The following RSPO2 variants were observed in gnomAD, a reference collection of about 807,000 sequenced individuals.
RSPO2 encodes the protein R-spondin 2, also known as R-spondin-2.
RSPO2 carries 14 observed loss-of-function variants against 30.9 expected under a neutral mutation model. That is an observed-to-expected ratio of 0.45 (90% CI 0.30 to 0.71). RSPO2 has a LOEUF of 0.71. Among genes scored for constraint, RSPO2 ranks in the 30% least tolerant of loss-of-function variants. The pLI, the probability that RSPO2 is intolerant of heterozygous loss-of-function variation, is 0.08. For missense variants in RSPO2, 264 were observed against 301.9 expected (o/e 0.87, Z 0.93); for synonymous variants, 107 against 96.4 (o/e 1.11, Z -0.64).
chr8:108,048,583 C>T (rs1055578391), intron 2 of RSPO2, among the ~76,000 whole-genome samples: 3 of 151,858 alleles, frequency 2.0e-5, no homozygotes, highest in African/African-American at 2.4e-5. Context: ...GTCTTGTTAG[C>T]GGTCTATCAA....
At chr8:108,065,693 C>T (rs1453536930) in intron 2 of RSPO2, among the ~76,000 whole-genome samples, 1 of 151,790 alleles carries the variant, frequency 6.6e-6, no homozygotes, top group Non-Finnish European at 1.5e-5. Flanking sequence ...CTGTCCCCTG[C>T]CCACAGAAGA....
At chr8:107,968,889 CAAAGGGCATTACCCAAT>C (rs1813905914) in intron 3 of RSPO2, among the ~76,000 whole-genome samples, 1 of 152,072 alleles carries the variant, frequency 6.6e-6, no homozygotes, top group Non-Finnish European at 1.5e-5. Context: ...ATGCACTACT[CAAAGGGCATTACCCAAT>C]AAAGGGCATT....
intron 1 of RSPO2, 66 bp from the exon 2 acceptor site, chr8:108,082,873 C>T (rs1813254520): frequency 8.0e-6 from 4 of 497,870 alleles, no homozygotes; most frequent in Non-Finnish European, 1.4e-5. Flanking sequence ...GGCAGCTGCG[C>T]CTTCGCACGT....
chr8:108,010,430 C>T (rs1038744207), intron 2 of RSPO2, among the ~76,000 whole-genome samples: 1 of 152,140 alleles, frequency 6.6e-6, no homozygotes, highest in East Asian at 1.9e-4. Context: ...GTGAGCAGGA[C>T]GCGAGACATG....
At chr8:107,974,253 G>A (rs781067664) in intron 3 of RSPO2, among the ~76,000 whole-genome samples, 15 of 151,260 alleles carry the variant, frequency 9.9e-5, no homozygotes, top group African/African-American at 3.2e-4. Flanking sequence ...TTGGGAGGCC[G>A]AGGCAGGAGG....
intron 5 of RSPO2, among the ~76,000 whole-genome samples, chr8:107,918,508 T>C (rs1046723761): frequency 1.3e-5 from 2 of 152,134 alleles, no homozygotes; most frequent in African/African-American, 4.8e-5. Flanking sequence ...ACAGTCCCTG[T>C]ACAAGGTTCC....
chr8:107,905,225 G>C (rs1016728366), intron 5 of RSPO2, among the ~76,000 whole-genome samples: 1 of 151,974 alleles, frequency 6.6e-6, no homozygotes, highest in African/African-American at 2.4e-5. Flanking sequence ...AATGTTTCTT[G>C]TACATCCCTC....
chr8:107,935,554 AGGAT>A (rs1812696084), intron 5 of RSPO2, among the ~76,000 whole-genome samples: 1 of 152,106 alleles, frequency 6.6e-6, no homozygotes, highest in South Asian at 2.1e-4. Context: ...ACGAAGGCTC[AGGAT>A]GGATGCACCA....
At chr8:107,974,980 T>A (rs989652958) in intron 3 of RSPO2, among the ~76,000 whole-genome samples, 2 of 152,234 alleles carry the variant, frequency 1.3e-5, no homozygotes, top group African/African-American at 4.8e-5. Flanking sequence ...CTTATCTTCA[T>A]CTGAATTCAA....
chr8:108,039,559 T>C (rs569052478), intron 2 of RSPO2, among the ~76,000 whole-genome samples: 68 of 152,212 alleles, frequency 4.5e-4, no homozygotes, highest in African/African-American at 1.6e-3. Flanking sequence ...AATATATATA[T>C]GAATTTAAAA....
chr8:107,978,549 A>C (rs1259796746), intron 3 of RSPO2, among the ~76,000 whole-genome samples: 1 of 152,246 alleles, frequency 6.6e-6, no homozygotes, highest in Admixed American at 6.5e-5. Context: ...TTAAAGACTT[A>C]CATGTTAGAC....
chr8:108,056,722 A>C (rs1470137705), intron 2 of RSPO2, among the ~76,000 whole-genome samples: 1 of 151,698 alleles, frequency 6.6e-6, no homozygotes, highest in African/African-American at 2.4e-5. Context: ...ATTATAGTGT[A>C]TTAACTGGTA....
intron 2 of RSPO2, among the ~76,000 whole-genome samples, chr8:108,036,249 T>C (rs544088402): frequency 8.5e-5 from 13 of 152,204 alleles, no homozygotes; most frequent in Non-Finnish European, 1.9e-4. Context: ...TTATTTACCA[T>C]TCCAAAAATC....
intron 2 of RSPO2, among the ~76,000 whole-genome samples, chr8:108,061,323 T>C (rs1040496076): frequency 5.3e-5 from 8 of 151,182 alleles, no homozygotes; most frequent in Non-Finnish European, 1.2e-4. Flanking sequence ...GGGCTCAAAA[T>C]AAAGGGATGG....
At chr8:108,001,707 A>T (rs1223186873) in intron 2 of RSPO2, among the ~76,000 whole-genome samples, 3 of 152,194 alleles carry the variant, frequency 2.0e-5, no homozygotes, top group South Asian at 4.1e-4. Flanking sequence ...GAAGAATCAC[A>T]TCCTAAGTTC....
At chr8:107,943,612 AAC>A (rs998686529) in intron 5 of RSPO2, among the ~76,000 whole-genome samples, 3 of 152,210 alleles carry the variant, frequency 2.0e-5, no homozygotes, top group African/African-American at 7.2e-5. Flanking sequence ...TGGTAATGGC[AAC>A]ACAGAGTACA....
At chr8:108,007,037 A>T (rs1281511238) in intron 2 of RSPO2, among the ~76,000 whole-genome samples, 1 of 152,186 alleles carries the variant, frequency 6.6e-6, no homozygotes, top group Non-Finnish European at 1.5e-5. Context: ...GACATTTAAC[A>T]TGGACTTAAA....
intron 2 of RSPO2, among the ~76,000 whole-genome samples, chr8:107,991,815 A>C (rs1487631776): frequency 6.6e-6 from 1 of 152,216 alleles, no homozygotes; most frequent in Non-Finnish European, 1.5e-5. Context: ...AAAGAAATGC[A>C]AATAAGAAAT....
intron 2 of RSPO2, among the ~76,000 whole-genome samples, chr8:108,070,651 T>C (rs1280558304): frequency 6.6e-6 from 1 of 152,148 alleles, no homozygotes; most frequent in East Asian, 1.9e-4. Flanking sequence ...AACAAGACTT[T>C]ATATTTAACT....
Sources: allele counts gnomAD v4.1 joint callset (sites outside exome capture counted in the v4.1 genomes callset), GRCh38; gene constraint gnomAD v4.1.1; transcripts MANE v1.5; gene names NCBI Gene and HGNC (gene_info 2026-07-23, HGNC 2026-07-21).